The following SHOC1 variants were observed in gnomAD, a reference collection of about 807,000 sequenced individuals.
The protein encoded by SHOC1 is shortage in chiasmata 1, also known as protein shortage in chiasmata 1 ortholog.
In SHOC1, 136 loss-of-function variants were observed where a neutral mutation model predicts 179.2. The ratio of observed to expected loss-of-function variants is 0.76; its 90% CI spans 0.66 to 0.87. The LOEUF is 0.87. Ranked by LOEUF, SHOC1 falls within the 40% of genes least tolerant of loss-of-function variation. The pLI, the probability that SHOC1 is intolerant of heterozygous loss-of-function variation, is 0.00. For missense variants in SHOC1, 1,538 were observed against 1,700.8 expected (o/e 0.90, Z 1.68); for synonymous variants, 489 against 586.6 (o/e 0.83, Z 2.41).
At chr9:111,750,758 G>A (rs181152023) in intron 8 of SHOC1, among the ~76,000 whole-genome samples, 2 of 152,236 alleles carry the variant, frequency 1.3e-5, no homozygotes, top group Admixed American at 1.3e-4. Flanking sequence ...TTGTCAAATG[G>A]AGAGATTGCA....
intron 12 of SHOC1, among the ~76,000 whole-genome samples, chr9:111,731,883 G>C (rs1295994003): frequency 6.6e-6 from 1 of 151,960 alleles, no homozygotes; most frequent in Admixed American, 6.6e-5. Flanking sequence ...TTGGGAAATG[G>C]CTGCAAAAGA....
chr9:111,793,787 G>A (rs1836529436), intron 1 of SHOC1, among the ~76,000 whole-genome samples: 1 of 152,008 alleles, frequency 6.6e-6, no homozygotes, highest in East Asian at 1.9e-4. Flanking sequence ...CGATAATGAG[G>A]TCAGGCACAA....
chr9:111,745,128 A>G (rs1423780671), intron 10 of SHOC1, among the ~76,000 whole-genome samples: 1 of 152,214 alleles, frequency 6.6e-6, no homozygotes, highest in Non-Finnish European at 1.5e-5. Flanking sequence ...TAGAGATAGG[A>G]CATCCATAAG....
chr9:111,697,016 T>C lies in SHOC1; in HGVS notation c.3184-2654A>G, dbSNP rs529222975. On this transcript the variant is annotated intron_variant, in intron 24 of 27. Transcript: ENST00000682961. ...AATGTTTTTGCTTTGTGCAAAGCAC[T>C]ATGCTAGCTGCTAGGTTTTACAAAT... Among the ~76,000 whole-genome samples, 7 of 152,312 alleles carry C rather than the reference T, an allele frequency of 4.6e-5. No homozygotes were observed. In the South Asian group the frequency reaches 1.2e-3, roughly 27 times the overall value.
intron 1 of SHOC1, among the ~76,000 whole-genome samples, chr9:111,793,936 C>T (rs1419300417): frequency 6.6e-6 from 1 of 152,076 alleles, no homozygotes; most frequent in Non-Finnish European, 1.5e-5. Context: ...ACTGCAACCT[C>T]CAGCTCCCGG....
At chr9:111,770,049 T>G (rs1835539360) in intron 5 of SHOC1, among the ~76,000 whole-genome samples, 1 of 150,252 alleles carries the variant, frequency 6.7e-6, no homozygotes, top group African/African-American at 2.4e-5. Context: ...CTTTATTGTT[T>G]CTTTCCTTCT....
In SHOC1 at chr9:111,702,185, G is replaced by C. The variant is rs1476064700; in HGVS notation, c.3009C>G (p.Ile1003Met). The change falls in exon 23 of 28, where the codon ATC (isoleucine) becomes ATG (methionine). Residue 1003 changes from isoleucine (I) to methionine (M), a missense_variant. Physicochemically the swap from Ile to Met is conservative, Grantham distance 10. Coordinates refer to ENST00000682961, the MANE Select transcript of SHOC1 (RefSeq NM_001378211.1). ...ATGATAATGCCATCAGCCTCATAATGATATTGTCTGATGCCTTCTCATAAT... is the reference window on the plus strand; with the variant it reads ...ATGATAATGCCATCAGCCTCATAATCATATTGTCTGATGCCTTCTCATAAT... ...ELNYEKASDNIIMRLMALSLQ... is the reference protein window; with the variant it reads ...ELNYEKASDNMIMRLMALSLQ... The C allele has an allele frequency of 6.8e-7, 1 of 1,472,048 alleles. No homozygotes were observed. The highest frequency in any genetic ancestry group is 1.7e-5 in the Admixed American group (1 of 58,620). The allele number at this position is 1,472,048 out of a possible 1,614,324, so 91.2% of individuals were successfully genotyped here.
chr9:111,770,463 C>T lies in SHOC1; in HGVS notation c.442+5328G>A, dbSNP rs552334731. On this transcript the variant is annotated intron_variant, in intron 5 of 27. Coordinates refer to ENST00000682961, the MANE Select transcript of SHOC1 (RefSeq NM_001378211.1). ...ATATGGTCTATTCTGAAGAATATTC[C>T]ATGTGCTGATGAAAAGAATATGTAT... is the stretch of plus-strand genomic sequence containing the variant. Among the ~76,000 whole-genome samples the T allele has an allele frequency of 2.6e-5, 4 of 152,036 alleles. No individual in the cohort carries two copies. In the South Asian group the frequency reaches 8.3e-4, roughly 31 times the overall value.
chr9:111,692,351 T>C lies in SHOC1; in HGVS notation c.3626A>G (p.Tyr1209Cys), dbSNP rs776341458. The change falls in exon 27 of 28, where the codon TAT (tyrosine) becomes TGT (cysteine). Residue 1209 changes from tyrosine to cysteine, a missense_variant. Coordinates refer to ENST00000682961, the MANE Select transcript of SHOC1 (RefSeq NM_001378211.1). ...LDSVIQEHNE[Y>C]YQYLGLGETV... ...CTCTCCTAATCCTAAATACTGATAA[T>C]ATTCATTATGTTCTTGAATGACAGA... The C allele has an allele frequency of 4.3e-6, 7 of 1,612,158 alleles. No homozygotes were observed. The highest frequency in any genetic ancestry group is 5.9e-6 in the Non-Finnish European group (7 of 1,178,416).
chr9:111,750,799 T>G (rs1050000188), intron 8 of SHOC1, among the ~76,000 whole-genome samples: 2 of 152,252 alleles, frequency 1.3e-5, no homozygotes, highest in Non-Finnish European at 2.9e-5. Flanking sequence ...AGGCTGTCTC[T>G]TCACTCTGAT....
intron 2 of SHOC1, 78 bp from the exon 3 acceptor site, chr9:111,786,113 T>C: frequency 9.9e-7 from 1 of 1,009,906 alleles, no homozygotes; most frequent in Non-Finnish European, 1.3e-6. Flanking sequence ...AAATTCTCTA[T>C]ACTTTGAAAC....
At position 111,691,773 on chromosome 9, in the gene SHOC1, A is replaced by G; in HGVS notation, c.4204T>C (p.Ser1402Pro). The change falls in exon 27 of 28, where the codon TCA becomes CCA. Residue 1402 changes from serine to proline, a missense_variant. Ser to Pro is a moderately conservative substitution (Grantham distance 74). Coordinates refer to ENST00000682961, the MANE Select transcript of SHOC1 (RefSeq NM_001378211.1). The stretch of plus-strand genomic sequence containing the variant: ...CATGTGAGGCCTTCAGACTCATCTG[A>G]TAGACATTTTTGCTGATCAGTGAAT... ...NLFTDQQKCL[S>P]DESEGLTCES... 16 of 1,614,010 alleles carry G rather than the reference A, an allele frequency of 9.9e-6. No individual in the cohort carries two copies. Among genetic ancestry groups the G allele is most frequent in the Non-Finnish European group, 1.4e-5 (16 of 1,179,972 alleles).
At chr9:111,776,180 G>A (rs10981066) in intron 4 of SHOC1, among the ~76,000 whole-genome samples, 64,683 of 151,298 alleles carry the variant, frequency 0.43, 14,860 homozygotes, top group East Asian at 0.77. Context: ...GTGGACTAAT[G>A]ACAACAGTAT....
intron 18 of SHOC1, among the ~76,000 whole-genome samples, chr9:111,712,290 A>G (rs1267220738): frequency 6.6e-6 from 1 of 152,212 alleles, no homozygotes; most frequent in Non-Finnish European, 1.5e-5. Flanking sequence ...ACCATGAGCT[A>G]GGTACACAAT....
At chr9:111,763,226 G>A (rs1369074394) in intron 5 of SHOC1, among the ~76,000 whole-genome samples, 1 of 151,804 alleles carries the variant, frequency 6.6e-6, no homozygotes, top group Admixed American at 6.6e-5. Context: ...TGAACAATAG[G>A]AGATTCAGGA....
At chr9:111,738,801 CTTAT>C (rs904042425) in intron 11 of SHOC1, among the ~76,000 whole-genome samples, 9 of 152,114 alleles carry the variant, frequency 5.9e-5, no homozygotes, top group African/African-American at 2.2e-4. Context: ...AGAAGGAAAT[CTTAT>C]TTTGTTTGAC....
Position 111,766,049 on chromosome 9 carries a change from C to A in SHOC1, c.443-7201G>T, listed in dbSNP as rs577868956. ...CATTATGTTCTTTTTTCCCCCTCAT[C>A]CCCCTTCCCTACTACCCTTCCCTGC... is the stretch of plus-strand genomic sequence containing the variant. On this transcript the variant is annotated intron_variant, in intron 5 of 27. Coordinates refer to ENST00000682961, the MANE Select transcript of SHOC1 (RefSeq NM_001378211.1). Among the ~76,000 whole-genome samples the A allele has an allele frequency of 1.2e-3, 185 of 152,226 alleles. 2 individuals carry two copies. The highest frequency in any genetic ancestry group is 3.4e-3 in the Middle Eastern group (1 of 294).
intron 3 of SHOC1, among the ~76,000 whole-genome samples, chr9:111,785,239 C>G (rs760520882): frequency 2.6e-5 from 4 of 152,172 alleles, no homozygotes; most frequent in Non-Finnish European, 5.9e-5. Flanking sequence ...CCCTAACTAT[C>G]TTAGGAAATA....
At chr9:111,753,655 C>A (rs1014034744) in intron 8 of SHOC1, among the ~76,000 whole-genome samples, 12 of 152,074 alleles carry the variant, frequency 7.9e-5, no homozygotes, top group Admixed American at 6.5e-5. Flanking sequence ...GATAGTTCAA[C>A]ATATGCAAAT....
Sources: allele counts gnomAD v4.1 joint callset (sites outside exome capture counted in the v4.1 genomes callset), GRCh38; gene constraint gnomAD v4.1.1; transcripts MANE v1.5; gene names NCBI Gene and HGNC (gene_info 2026-07-23, HGNC 2026-07-21).